The following MGST1 variants were observed in gnomAD, a reference collection of about 807,000 sequenced individuals.
MGST1 encodes glutathione S-transferase 12.
In MGST1, 5 loss-of-function variants were observed where a neutral mutation model predicts 8.9. That is an observed-to-expected ratio of 0.56 (90% CI 0.29 to 1.19). The LOEUF (loss-of-function observed/expected upper bound fraction) is 1.19, where lower values mean the gene tolerates loss of function less well. Among genes scored for constraint, MGST1 ranks in the 50% most tolerant of loss-of-function variants. MGST1 has a pLI of 0.08. For synonymous variants in MGST1, 54 were observed against 67.8 expected, an observed-to-expected ratio of 0.80 and a Z score of 1.00; for missense variants, 182 against 187.4, an observed-to-expected ratio of 0.97 and a Z score of 0.17.
Position 16,582,447 on chromosome 12 carries a change from A to C in MGST1, n.483-7081A>C, listed in dbSNP as rs1472854358. On this transcript the variant is annotated intron_variant and non_coding_transcript_variant, in intron 4 of 4. Transcript: ENST00000538857. This position sits in a 1 kb window ranked among gnomAD's most constrained non-coding sequence, Gnocchi z 4.1. The stretch of plus-strand genomic sequence containing the variant: ...TTTTATATTTTATATTGTCTTTATC[A>C]GGTCAAGGTACTGTATTAGAGTTAT... 2.0e-5 allele frequency among the ~76,000 whole-genome samples: 3 copies of C among 152,182 alleles called. No individual in the cohort carries two copies. The highest frequency in any genetic ancestry group is 4.4e-5 in the Non-Finnish European group (3 of 68,024).
chr12:16,558,382 A>G (rs1433720045), intron 4 of MGST1, among the ~76,000 whole-genome samples: 4 of 152,090 alleles, frequency 2.6e-5, no homozygotes, highest in Non-Finnish European at 5.9e-5. Context: ...TGATTCCATA[A>G]TGGGAACTGC....
intron 4 of MGST1, among the ~76,000 whole-genome samples, chr12:16,530,627 C>G (rs1565470311): frequency 6.6e-6 from 1 of 152,102 alleles, no homozygotes; most frequent in Non-Finnish European, 1.5e-5. Context: ...ACATGTCTGC[C>G]TACCCCTTGA....
chr12:16,478,283 T>C (rs1941337772), intron 4 of MGST1, among the ~76,000 whole-genome samples: 1 of 152,166 alleles, frequency 6.6e-6, no homozygotes, highest in Non-Finnish European at 1.5e-5. Context: ...CTGCCTCGGC[T>C]TCCCAAAGTG....
At chr12:16,476,717 A>G (rs1283528878) in intron 4 of MGST1, among the ~76,000 whole-genome samples, 1 of 152,200 alleles carries the variant, frequency 6.6e-6, no homozygotes, top group Non-Finnish European at 1.5e-5. Context: ...AAGGATTTGA[A>G]TAGATCACAG....
intron 1 of MGST1, among the ~76,000 whole-genome samples, chr12:16,388,142 TA>T (rs1249140120): frequency 6.6e-6 from 1 of 151,012 alleles, no homozygotes; most frequent in African/African-American, 2.4e-5. Flanking sequence ...GTTTTTGCCA[TA>T]AAAGTGATGA....
At chr12:16,439,592 A>G (rs145290637), downstream of MGST1, among the ~76,000 whole-genome samples, 65 of 151,870 alleles carry the variant, frequency 4.3e-4, no homozygotes, top group Non-Finnish European at 7.8e-4. Context: ...TGTCACTTAT[A>G]GTGGCTCCTT....
At chr12:16,353,855 A>T (rs1377838852) in intron 1 of MGST1, among the ~76,000 whole-genome samples, 1 of 144,406 alleles carries the variant, frequency 6.9e-6, no homozygotes, top group Non-Finnish European at 1.5e-5. Flanking sequence ...CGCCTCCCGG[A>T]TTTAAGCAAT....
downstream of MGST1, among the ~76,000 whole-genome samples, chr12:16,364,676 A>G (rs1348472882): frequency 6.6e-6 from 1 of 152,168 alleles, no homozygotes; most frequent in African/African-American, 2.4e-5. The surrounding 1 kb of genome is among the most constrained non-coding windows in gnomAD (Gnocchi z 5.7). Context: ...CTACAATACC[A>G]TTATTACACC....
chr12:16,395,620 C>G (rs528314692), intron 1 of MGST1, among the ~76,000 whole-genome samples: 3 of 151,340 alleles, frequency 2.0e-5, no homozygotes, highest in Non-Finnish European at 4.4e-5. Flanking sequence ...ATTTTTATGA[C>G]TTTGAATCCC....
chr12:16,428,516 T>C (rs1408104073), intron 1 of MGST1, among the ~76,000 whole-genome samples: 1 of 151,838 alleles, frequency 6.6e-6, no homozygotes. Context: ...TTTTTAATTA[T>C]TATTCTAGTG....
chr12:16,520,900 A>G (rs1373583769), intron 4 of MGST1, among the ~76,000 whole-genome samples: 2 of 152,130 alleles, frequency 1.3e-5, no homozygotes, highest in African/African-American at 4.8e-5. Context: ...CTTCTTATGG[A>G]GGCTGTCATT....
intron 4 of MGST1, among the ~76,000 whole-genome samples, chr12:16,468,180 T>C (rs1269336090): frequency 1.3e-5 from 2 of 152,192 alleles, no homozygotes; most frequent in Non-Finnish European, 2.9e-5. Flanking sequence ...AGTTGATTGA[T>C]TCAACCTCTC....
intron 1 of MGST1, among the ~76,000 whole-genome samples, chr12:16,395,210 A>C (rs1337688539): frequency 6.6e-6 from 1 of 151,998 alleles, no homozygotes; most frequent in African/African-American, 2.4e-5. Flanking sequence ...TATATATATT[A>C]GAAGGTAGGG....
chr12:16,535,592 A>G (rs978448644), intron 4 of MGST1, among the ~76,000 whole-genome samples: 1 of 152,220 alleles, frequency 6.6e-6, no homozygotes, highest in Non-Finnish European at 1.5e-5. Flanking sequence ...TCTATAGTGG[A>G]ACCATGCAAA....
At chr12:16,459,111 C>T (rs1227093867) in intron 4 of MGST1, among the ~76,000 whole-genome samples, 2 of 152,026 alleles carry the variant, frequency 1.3e-5, no homozygotes, top group African/African-American at 2.4e-5. Context: ...ATTTTGAAGG[C>T]AATTAAAGAA....
intron 1 of MGST1, among the ~76,000 whole-genome samples, chr12:16,390,959 CTCTAGCATCTTTT>C (rs578113819): frequency 8.5e-4 from 129 of 152,136 alleles, no homozygotes; most frequent in African/African-American, 3.1e-3. Flanking sequence ...TCCACAACCT[CTCTAGCATCTTTT>C]ATTTTTTGAC....
Position 16,433,749 on chromosome 12 carries a change from C to T in MGST1, n.779-3639C>T, listed in dbSNP as rs201882217. Among the ~76,000 whole-genome samples, 33 of 152,096 alleles carry T rather than the reference C, an allele frequency of 2.2e-4. No homozygotes were observed. The East Asian group carries it at 3.9e-3, about 18-fold the overall frequency. On this transcript the variant is annotated intron_variant and non_coding_transcript_variant, in intron 1 of 1. Transcript: ENST00000359720. ...CCTTAAGTTGACACATAAAATTAACCATCACACACATCACACATACACATC... is the reference window on the plus strand; with the variant it reads ...CCTTAAGTTGACACATAAAATTAACTATCACACACATCACACATACACATC...
chr12:16,471,688 T>C (rs1236563712), intron 4 of MGST1, among the ~76,000 whole-genome samples: 1 of 152,180 alleles, frequency 6.6e-6, no homozygotes, highest in African/African-American at 2.4e-5. Flanking sequence ...CAATCTAACA[T>C]GATCTAGCTT....
At chr12:16,505,263 T>C (rs1264410702) in intron 4 of MGST1, among the ~76,000 whole-genome samples, 1 of 152,160 alleles carries the variant, frequency 6.6e-6, no homozygotes, top group Non-Finnish European at 1.5e-5. Flanking sequence ...AAAATGCCTG[T>C]TCAATAAGCA....
Sources: allele counts gnomAD v4.1 joint callset (sites outside exome capture counted in the v4.1 genomes callset), GRCh38; gene constraint gnomAD v4.1.1; non-coding constraint Gnocchi (gnomAD v3.1); transcripts MANE v1.5; gene names NCBI Gene and HGNC (gene_info 2026-07-23, HGNC 2026-07-21).